Variants in ATP8A2 observed in about 807,000 individuals in gnomAD.
The protein encoded by ATP8A2 is ATPase phospholipid transporting 8A2, also known as phospholipid-transporting ATPase IB.
In ATP8A2, 100 loss-of-function variants were observed where a neutral mutation model predicts 165.6. The observed-to-expected ratio is 0.60, with a 90% confidence interval of 0.51 to 0.71. The LOEUF (loss-of-function observed/expected upper bound fraction) is 0.71. Ranked by LOEUF, ATP8A2 falls within the 30% of genes least tolerant of loss-of-function variation. The pLI, the probability that ATP8A2 is intolerant of heterozygous loss-of-function variation, is 0.00. For synonymous variants in ATP8A2, 543 were observed against 548.8 expected (o/e 0.99, Z 0.15); for missense variants, 1,227 against 1,479.5 (o/e 0.83, Z 2.80).
intron 24 of ATP8A2, among the ~76,000 whole-genome samples, chr13:25,657,639 G>A (rs1258215147): frequency 6.6e-6 from 1 of 152,148 alleles, no homozygotes; most frequent in East Asian, 1.9e-4. Context: ...TGCAATTTTT[G>A]TAATGGGAAG....
At chr13:25,597,742 T>C (rs1460779719) in intron 24 of ATP8A2, among the ~76,000 whole-genome samples, 1 of 152,256 alleles carries the variant, frequency 6.6e-6, no homozygotes, top group Non-Finnish European at 1.5e-5. Flanking sequence ...GGATTTCTTA[T>C]GAGAAATTGA....
At chr13:25,688,938 T>A (rs2137850538) in intron 24 of ATP8A2, among the ~76,000 whole-genome samples, 1 of 152,384 alleles carries the variant, frequency 6.6e-6, no homozygotes. Flanking sequence ...TTTAGAATAT[T>A]TTTAAATGAT....
Position 25,571,759 on chromosome 13 carries a change from A to T in ATP8A2, c.1662+67A>T, listed in dbSNP as rs1236309630. ...GTGAAGATTGTGTGTGTGAAATGGC[A>T]TGTCTATTGTAAATATGATAGCTAA... On this transcript the variant is annotated intron_variant, in intron 18 of 36. Coordinates refer to ENST00000381655, the MANE Select transcript of ATP8A2 (RefSeq NM_016529.6). 11 of 1,310,438 alleles carry T rather than the reference A, an allele frequency of 8.4e-6. No individual in the cohort carries two copies. In the Admixed American group the frequency reaches 1.0e-4, roughly 12 times the overall value. The allele number at this position is 1,310,438 out of a possible 1,614,324, so 81.2% of individuals were successfully genotyped here. A position where few individuals can be genotyped will look rare whatever the true frequency, so the allele number is the denominator to read the frequency against.
intron 1 of ATP8A2, among the ~76,000 whole-genome samples, chr13:25,455,116 T>G (rs1458220742): frequency 6.6e-6 from 1 of 152,228 alleles, no homozygotes; most frequent in Non-Finnish European, 1.5e-5. Flanking sequence ...TGGAGGGATA[T>G]AATCCCTTGA....
intron 33 of ATP8A2, among the ~76,000 whole-genome samples, chr13:25,960,906 C>T (rs529587288): frequency 6.6e-6 from 1 of 152,310 alleles, no homozygotes; most frequent in African/African-American, 2.4e-5. Flanking sequence ...CACTTGGAAT[C>T]TCTGTCCTTC....
intron 33 of ATP8A2, among the ~76,000 whole-genome samples, chr13:25,937,291 A>G (rs1379610504): frequency 8.3e-5 from 12 of 145,136 alleles, no homozygotes; most frequent in African/African-American, 3.0e-4. Context: ...TCTCAAGTGC[A>G]GTCATAGAAG....
chr13:25,651,195 A>C (rs1414432125), intron 24 of ATP8A2, among the ~76,000 whole-genome samples: 2 of 152,196 alleles, frequency 1.3e-5, no homozygotes, highest in African/African-American at 4.8e-5. Flanking sequence ...CTGTAATCCC[A>C]GCATTTTGGG....
At chr13:25,689,879 AC>A (rs2042686072) in intron 24 of ATP8A2, among the ~76,000 whole-genome samples, 2 of 152,196 alleles carry the variant, frequency 1.3e-5, no homozygotes, top group South Asian at 2.1e-4. Flanking sequence ...GGAAAAAAAA[AC>A]ATCTATTTTG....
chr13:25,738,478 G>C (rs2043835149), intron 25 of ATP8A2, among the ~76,000 whole-genome samples: 1 of 152,184 alleles, frequency 6.6e-6, no homozygotes, highest in African/African-American at 2.4e-5. Flanking sequence ...AACCCAGCCA[G>C]TGGTAAATGA....
chr13:25,550,363 TGG>T (rs1226210470), intron 10 of ATP8A2, among the ~76,000 whole-genome samples: 1 of 152,134 alleles, frequency 6.6e-6, no homozygotes, highest in Non-Finnish European at 1.5e-5. Context: ...TGGGCATTAC[TGG>T]TGGAGGAGGG....
intron 2 of ATP8A2, among the ~76,000 whole-genome samples, chr13:25,519,060 C>T (rs552327620): frequency 6.6e-5 from 10 of 152,282 alleles, no homozygotes; most frequent in East Asian, 5.8e-4. Context: ...TCTCCACCTC[C>T]GTTTGCCCAA....
chr13:25,714,202 T>G (rs1239350427), intron 25 of ATP8A2, among the ~76,000 whole-genome samples: 1 of 151,954 alleles, frequency 6.6e-6, no homozygotes, highest in African/African-American at 2.4e-5. Context: ...AGAATTAAAT[T>G]TAAAAACCTA....
chr13:25,386,143 T>C (rs1924779), intron 1 of ATP8A2, among the ~76,000 whole-genome samples: 77,941 of 151,428 alleles, frequency 0.51, 23,987 homozygotes, highest in Non-Finnish European at 0.69. Flanking sequence ...CTCGAACTCC[T>C]GGCCTTAAGT....
intron 25 of ATP8A2, among the ~76,000 whole-genome samples, chr13:25,725,379 G>A (rs1441300841): frequency 6.6e-6 from 1 of 152,204 alleles, no homozygotes. Flanking sequence ...ATTGACCATT[G>A]CTCCATTAAA....
At chr13:25,699,948 A>G (rs2137916099) in intron 25 of ATP8A2, among the ~76,000 whole-genome samples, 1 of 152,202 alleles carries the variant, frequency 6.6e-6, no homozygotes, top group Non-Finnish European at 1.5e-5. Context: ...ACAGAATTAT[A>G]AAGACAGTAA....
chr13:26,003,740 A>G (rs371629602), intron 35 of ATP8A2, among the ~76,000 whole-genome samples: 2 of 152,180 alleles, frequency 1.3e-5, no homozygotes, highest in African/African-American at 4.8e-5. Context: ...CTGCATGTGA[A>G]TATCCAGTTT....
At chr13:25,859,449 C>G (rs1952276435) in intron 30 of ATP8A2, among the ~76,000 whole-genome samples, 1 of 152,066 alleles carries the variant, frequency 6.6e-6, no homozygotes, top group Non-Finnish European at 1.5e-5. Context: ...AAAATAGGCT[C>G]TGACCACTCA....
At chr13:25,994,243 A>AATAT (rs556923131) in intron 35 of ATP8A2, among the ~76,000 whole-genome samples, 260 of 151,576 alleles carry the variant, frequency 1.7e-3, no homozygotes, top group African/African-American at 4.9e-3. Flanking sequence ...TCTATACATA[A>AATAT]ATATATATAT....
At chr13:25,754,994 T>C (rs571009488) in intron 25 of ATP8A2, among the ~76,000 whole-genome samples, 1 of 152,318 alleles carries the variant, frequency 6.6e-6, no homozygotes, top group East Asian at 1.9e-4. Flanking sequence ...CTGATTTGTT[T>C]TTTGGGTTTT....
Sources: allele counts gnomAD v4.1 joint callset (sites outside exome capture counted in the v4.1 genomes callset), GRCh38; gene constraint gnomAD v4.1.1; transcripts MANE v1.5; gene names NCBI Gene and HGNC (gene_info 2026-07-23, HGNC 2026-07-21).